Variants in CEP104 observed in about 807,000 individuals in gnomAD.
CEP104 encodes centrosomal protein 104, also known as centrosomal protein of 104 kDa.
CEP104 carries 84 observed loss-of-function variants against 113.3 expected under a neutral mutation model. That is an observed-to-expected ratio of 0.74 (90% CI 0.62 to 0.89). The LOEUF (loss-of-function observed/expected upper bound fraction) is 0.89, where lower values mean the gene tolerates loss of function less well. CEP104 is among the 40% of genes least tolerant of loss of function. The pLI is 0.00. For synonymous variants in CEP104, 378 were observed against 421.7 expected (o/e 0.90, Z 1.27); for missense variants, 1,053 against 1,156.6 (o/e 0.91, Z 1.30).
At chr1:3,839,889 G>C (rs1570820841) in intron 6 of CEP104, 113 bp from the exon 7 acceptor site, 1 of 836,456 alleles carries the variant, frequency 1.2e-6, no homozygotes, top group African/African-American at 1.7e-5. Context: ...ATGGTTCACA[G>C]AGCATTTCCT....
intron 2 of CEP104, 66 bp downstream of exon 2, chr1:3,852,229 C>A (rs1644624581): frequency 6.7e-7 from 1 of 1,501,930 alleles, no homozygotes. Context: ...TGAAAGGAGC[C>A]CCTGTACCCT....
At chr1:3,854,997 A>T (rs888739199) in intron 1 of CEP104, among the ~76,000 whole-genome samples, 4 of 147,854 alleles carry the variant, frequency 2.7e-5, no homozygotes, top group African/African-American at 1.0e-4. Context: ...TCAGCCTCCC[A>T]AGTAGCTAGT....
At chr1:3,820,481 C>T (rs916483746) in intron 20 of CEP104, among the ~76,000 whole-genome samples, 3 of 152,104 alleles carry the variant, frequency 2.0e-5, no homozygotes, top group Non-Finnish European at 2.9e-5. Context: ...CGGATGGAAG[C>T]GGGGCAGGAC....
intron 18 of CEP104, among the ~76,000 whole-genome samples, chr1:3,824,319 C>T (rs985564335): frequency 3.3e-5 from 5 of 152,176 alleles, no homozygotes; most frequent in African/African-American, 1.2e-4. Context: ...CTCCTGACCT[C>T]AGGTGATCCG....
At position 3,830,016 on chromosome 1, in the gene CEP104, C is replaced by A; in HGVS notation, c.1837-19G>T. The A allele has an allele frequency of 6.5e-7, 1 of 1,544,628 alleles. No individual in the cohort carries two copies. Among genetic ancestry groups the A allele is most frequent in the Non-Finnish European group, 8.9e-7 (1 of 1,117,370 alleles). The stretch of plus-strand genomic sequence containing the variant: ...CTGAAAACTAAAGTTGGGAGGGGCT[C>A]TTGTTACTCATTCTTAAAATAAAAC... On this transcript the variant is annotated intron_variant, in intron 13 of 21. Coordinates refer to ENST00000378230, the MANE Select transcript of CEP104 (RefSeq NM_014704.4).
At chr1:3,844,671 C>A (rs968263635) in intron 6 of CEP104, among the ~76,000 whole-genome samples, 25 of 108,390 alleles carry the variant, frequency 2.3e-4, no homozygotes, top group Admixed American at 8.6e-4. Flanking sequence ...ACACTCCGGC[C>A]TGGGCAGCAA....
rs1644029369 is a variant in CEP104, at chr1:3,823,802, C to CTT, written c.2365-241_2365-240insAA. On this transcript the variant is annotated intron_variant, in intron 18 of 21. Coordinates refer to ENST00000378230, the MANE Select transcript of CEP104 (RefSeq NM_014704.4). The surrounding 1 kb of genome is among the most constrained non-coding windows in gnomAD (Gnocchi z 4.1). ...TCATCTTAGCATCGGGCAGGGGCCA[C>CTT]TGTCAAGGATGGGGAAGCTACGGTC... is the stretch of plus-strand genomic sequence containing the variant. Among the ~76,000 whole-genome samples the CTT allele has an allele frequency of 6.6e-6, 1 of 152,224 alleles. No individual in the cohort carries two copies. Among genetic ancestry groups the CTT allele is most frequent in the Non-Finnish European group, 1.5e-5 (1 of 68,046 alleles).
At position 3,825,869 on chromosome 1, in the gene CEP104, GAAAGC is replaced by G; in HGVS notation, c.2256-8_2256-4del. On this transcript the variant is annotated splice_polypyrimidine_tract_variant and splice_region_variant and intron_variant, in intron 17 of 21. Transcript: ENST00000378230. ...TTTCCCCACAAAAAATACACAAACT[GAAAGC>G]AAAGCAAAGCAGGAAATAAAGGTAA... 3 of 1,597,946 alleles carry G rather than the reference GAAAGC, an allele frequency of 1.9e-6. No homozygotes were observed. Among genetic ancestry groups the G allele is most frequent in the East Asian group, 4.5e-5 (2 of 44,814 alleles).
intron 20 of CEP104, among the ~76,000 whole-genome samples, chr1:3,822,464 C>T (rs921341674): frequency 2.8e-4 from 42 of 152,296 alleles, no homozygotes; most frequent in African/African-American, 1.0e-3. Flanking sequence ...GTGGCAGGAG[C>T]TAAGGAGGTT....
At chr1:3,821,834 G>A (rs981011223) in intron 20 of CEP104, among the ~76,000 whole-genome samples, 2 of 152,226 alleles carry the variant, frequency 1.3e-5, no homozygotes, top group South Asian at 2.1e-4. Flanking sequence ...TTCACCAAGT[G>A]AATCATAAGG....
chr1:3,818,237 A>T (rs1217522326), intron 20 of CEP104, among the ~76,000 whole-genome samples: 4 of 152,098 alleles, frequency 2.6e-5, no homozygotes, highest in African/African-American at 9.7e-5. Flanking sequence ...CTCTGTCTAC[A>T]CTTGCTCTTT....
rs36065862 is a variant in CEP104, at chr1:3,854,870, A to ATTT, written c.-15+2016_-15+2018dup. Among the ~76,000 whole-genome samples, 976 of 122,928 alleles carry ATTT rather than the reference A, an allele frequency of 7.9e-3. 21 individuals carry two copies. The highest frequency in any genetic ancestry group is 0.024 in the African/African-American group (745 of 31,638). 80.6% of individuals were successfully genotyped at this position (122,928 alleles called of 152,430 possible). A position where few individuals can be genotyped will look rare whatever the true frequency, so the allele number is the denominator to read the frequency against. On this transcript the variant is annotated intron_variant, in intron 1 of 21. Transcript: ENST00000378230. ...CAGGCTGTTGGGTTCCAGTCTCCAA[A>ATTT]TTTTTTTTTTTTTTTTTTTGAGAGA...
chr1:3,830,221 G>A (rs903454443), intron 13 of CEP104, among the ~76,000 whole-genome samples: 1 of 151,788 alleles, frequency 6.6e-6, no homozygotes. Context: ...GAAACAGAAC[G>A]CTGTGGCTAT....
chr1:3,817,991 G>A (rs1375173022), intron 20 of CEP104, among the ~76,000 whole-genome samples: 1 of 152,262 alleles, frequency 6.6e-6, no homozygotes, highest in South Asian at 2.1e-4. Flanking sequence ...CCAGGCACAC[G>A]CGTGTGTGAG....
intron 16 of CEP104, 90 bp from the exon 17 acceptor site, chr1:3,826,526 A>G (rs1644095190): frequency 2.2e-6 from 3 of 1,352,940 alleles, no homozygotes; most frequent in Middle Eastern, 1.8e-4. Flanking sequence ...TAAAACGATT[A>G]TACAAGTAAA....
chr1:3,823,837 G>A lies in CEP104; in HGVS notation c.2365-275C>T, dbSNP rs1644030298. Among the ~76,000 whole-genome samples the A allele has an allele frequency of 6.6e-6, 1 of 152,214 alleles. No homozygotes were observed. Among genetic ancestry groups the A allele is most frequent in the Non-Finnish European group, 1.5e-5 (1 of 68,042 alleles). ...TGGGGAAGCTACGGTCGGCCTGAGT[G>A]TGAAGCTTGGATGAGGGCGCAGAGT... On this transcript the variant is annotated intron_variant, in intron 18 of 21. Coordinates refer to ENST00000378230, the MANE Select transcript of CEP104 (RefSeq NM_014704.4). The surrounding 1 kb of genome is among the most constrained non-coding windows in gnomAD (Gnocchi z 4.1).
chr1:3,837,925 G>C (rs12409082), intron 8 of CEP104, among the ~76,000 whole-genome samples: 55,501 of 152,180 alleles, frequency 0.36, 10,807 homozygotes, highest in Admixed American at 0.46. Context: ...GTGTACAAAG[G>C]AAAGTGATGT....
chr1:3,836,862 T>C, intron 9 of CEP104, 170 bp from the exon 10 acceptor site: 1 of 611,934 alleles, frequency 1.6e-6, no homozygotes, highest in East Asian at 2.8e-5. Context: ...AAATAGGATG[T>C]AATTGAAAAG....
chr1:3,825,783 A>G lies in CEP104; in HGVS notation c.2339T>C (p.Leu780Pro). 6.2e-7 allele frequency: 1 copy of G among 1,613,598 alleles called. No homozygotes were observed. Among genetic ancestry groups the G allele is most frequent in the Non-Finnish European group, 8.5e-7 (1 of 1,179,474 alleles). Residue 780 changes from leucine to proline, a missense_variant, in exon 18 of 22, where the codon CTG becomes CCG. Transcript: ENST00000378230. The part of the protein sequence containing the change: ...DLHYWKHCLM[L>P]TRCDHCKQVV... ...CTGTTTGCAGTGGTCACATCTTGTC[A>G]GCATGAGACAGTGCTTCCAGTAGTG...
Sources: allele counts gnomAD v4.1 joint callset (sites outside exome capture counted in the v4.1 genomes callset), GRCh38; gene constraint gnomAD v4.1.1; non-coding constraint Gnocchi (gnomAD v3.1); transcripts MANE v1.5; gene names NCBI Gene and HGNC (gene_info 2026-07-23, HGNC 2026-07-21).